ADAMTS19: variants seen among roughly 807,000 people sequenced by gnomAD.
ADAMTS19 encodes the protein ADAM metallopeptidase with thrombospondin type 1 motif 19.
Under a neutral mutation model 153.3 loss-of-function variants are expected in ADAMTS19, and 93 were observed. The observed-to-expected ratio is 0.61, with a 90% CI of 0.51 to 0.72. The LOEUF (loss-of-function observed/expected upper bound fraction) is 0.72. Among genes scored for constraint, ADAMTS19 ranks in the 30% least tolerant of loss-of-function variants. The probability of loss-of-function intolerance (pLI) is 0.00; values close to 1 mark genes in which losing one functional copy is unlikely to be tolerated. For missense variants in ADAMTS19, 1,482 were observed against 1,552.1 expected (o/e 0.95, Z 0.76); for synonymous variants, 600 against 556.6 (o/e 1.08, Z -1.10).
intron 2 of ADAMTS19, among the ~76,000 whole-genome samples, chr5:129,508,733 A>G (rs547531912): frequency 6.6e-6 from 1 of 152,154 alleles, no homozygotes; most frequent in Non-Finnish European, 1.5e-5. Context: ...TAAAAACTGT[A>G]TTGCTCTTTC....
At chr5:129,677,247 G>A (rs1313421848) in intron 16 of ADAMTS19, among the ~76,000 whole-genome samples, 2 of 152,318 alleles carry the variant, frequency 1.3e-5, no homozygotes, top group South Asian at 2.1e-4. Flanking sequence ...AGGCCAAGGT[G>A]GGGAGATCAC....
At chr5:129,695,807 T>G (rs1213683911) in intron 19 of ADAMTS19, among the ~76,000 whole-genome samples, 1 of 152,128 alleles carries the variant, frequency 6.6e-6, no homozygotes, top group East Asian at 1.9e-4. Flanking sequence ...TGAAGCCCGG[T>G]GAGTTAGGAA....
At chr5:129,707,289 TA>T (rs760343546) in intron 21 of ADAMTS19, among the ~76,000 whole-genome samples, 16 of 152,242 alleles carry the variant, frequency 1.1e-4, no homozygotes, top group Non-Finnish European at 1.5e-4. Flanking sequence ...CCTGGCCTTT[TA>T]ACCTTTGCTT....
chr5:129,547,048 T>G (rs1752886142), intron 6 of ADAMTS19, among the ~76,000 whole-genome samples: 1 of 150,948 alleles, frequency 6.6e-6, no homozygotes, highest in South Asian at 2.1e-4. Flanking sequence ...GTTTATGCTC[T>G]AATTTCCAGA....
At chr5:129,680,067 G>A (rs185334441) in intron 17 of ADAMTS19, 146 bp downstream of exon 17, 1 of 930,546 alleles carries the variant, frequency 1.1e-6, no homozygotes, top group African/African-American at 1.7e-5. Flanking sequence ...TAGAGGTTTT[G>A]TAAAATGTGT....
intron 19 of ADAMTS19, among the ~76,000 whole-genome samples, chr5:129,700,813 C>A (rs906535928): frequency 2.0e-5 from 3 of 151,324 alleles, no homozygotes; most frequent in Admixed American, 6.6e-5. Context: ...CACTGAGAGT[C>A]TAATAAGAAC....
chr5:129,651,149 T>C (rs1753299435), intron 13 of ADAMTS19, among the ~76,000 whole-genome samples: 1 of 152,180 alleles, frequency 6.6e-6, no homozygotes, highest in African/African-American at 2.4e-5. Flanking sequence ...GTGCATTTTC[T>C]TTTTAGGTGA....
At chr5:129,667,617 C>A (rs1368093537) in intron 16 of ADAMTS19, among the ~76,000 whole-genome samples, 3 of 151,954 alleles carry the variant, frequency 2.0e-5, no homozygotes, top group Non-Finnish European at 4.4e-5. Context: ...CCCCTTGCTC[C>A]CTCTCTCCCC....
intron 15 of ADAMTS19, among the ~76,000 whole-genome samples, chr5:129,662,893 T>TTC (rs1753877455): frequency 7.2e-6 from 1 of 139,628 alleles, no homozygotes; most frequent in East Asian, 2.1e-4. Context: ...TCTTCATTTT[T>TTC]TTTTTTTTTT....
At chr5:129,548,357 G>T (rs1752938824) in intron 6 of ADAMTS19, among the ~76,000 whole-genome samples, 1 of 148,856 alleles carries the variant, frequency 6.7e-6, no homozygotes, top group African/African-American at 2.5e-5. Flanking sequence ...CCATCAAAAA[G>T]TGGGTGAAGG....
At chr5:129,466,714 CAGT>C (rs1749873415) in intron 2 of ADAMTS19, among the ~76,000 whole-genome samples, 1 of 152,100 alleles carries the variant, frequency 6.6e-6, no homozygotes, top group South Asian at 2.1e-4. Context: ...TTTAAAAAAT[CAGT>C]ATAAAGACTG....
At chr5:129,532,708 A>C (rs1446150288) in intron 6 of ADAMTS19, among the ~76,000 whole-genome samples, 2 of 152,182 alleles carry the variant, frequency 1.3e-5, no homozygotes, top group African/African-American at 2.4e-5. Context: ...ATAAATTTTC[A>C]TCTACAGGTG....
chr5:129,644,129 T>C (rs1752950151), intron 11 of ADAMTS19, among the ~76,000 whole-genome samples: 1 of 152,242 alleles, frequency 6.6e-6, no homozygotes, highest in African/African-American at 2.4e-5. Flanking sequence ...GTTAAAACTG[T>C]AATTACTAAA....
intron 2 of ADAMTS19, among the ~76,000 whole-genome samples, chr5:129,470,842 C>G (rs952322293): frequency 6.6e-6 from 1 of 151,836 alleles, no homozygotes; most frequent in African/African-American, 2.4e-5. Context: ...CTATTGTTTT[C>G]CGTTTAAAAT....
chr5:129,684,726 G>A (rs1326607340), intron 18 of ADAMTS19, among the ~76,000 whole-genome samples: 1 of 152,114 alleles, frequency 6.6e-6, no homozygotes, highest in Non-Finnish European at 1.5e-5. Flanking sequence ...GGTGGCTCAC[G>A]CCTGTAATCC....
chr5:129,509,728 T>G (rs1751376535), intron 3 of ADAMTS19, among the ~76,000 whole-genome samples: 1 of 151,976 alleles, frequency 6.6e-6, no homozygotes, highest in Admixed American at 6.6e-5. Context: ...AGAGTAAAGA[T>G]TTATACGTTC....
chr5:129,465,931 A>G (rs1749841516), intron 2 of ADAMTS19, among the ~76,000 whole-genome samples: 1 of 152,218 alleles, frequency 6.6e-6, no homozygotes, highest in Non-Finnish European at 1.5e-5. Context: ...GGATTAAGGG[A>G]AACATATAGA....
intron 8 of ADAMTS19, among the ~76,000 whole-genome samples, chr5:129,613,671 G>C (rs1258458927): frequency 6.6e-6 from 1 of 152,096 alleles, no homozygotes; most frequent in East Asian, 1.9e-4. Flanking sequence ...CAGAAGGCAA[G>C]AAATCACTAA....
chr5:129,592,093 T>C (rs936798891), intron 7 of ADAMTS19, among the ~76,000 whole-genome samples: 2 of 152,120 alleles, frequency 1.3e-5, no homozygotes, highest in African/African-American at 4.8e-5. Flanking sequence ...TTAAAAAAAA[T>C]TGAGCTGGGT....
Sources: gnomAD v4.1 joint callset for allele counts (sites outside exome capture counted in the v4.1 genomes callset) on GRCh38, gnomAD v4.1.1 for gene constraint, MANE v1.5 for transcripts, NCBI Gene and HGNC (gene_info 2026-07-23, HGNC 2026-07-21) for gene names.